PACS1: variants seen among roughly 807,000 people sequenced by gnomAD.
PACS1 encodes PACS-1.
Under a neutral mutation model 115.0 loss-of-function variants are expected in PACS1, and 24 were observed. The ratio of observed to expected loss-of-function variants is 0.21; its 90% CI spans 0.15 to 0.29. The LOEUF (loss-of-function observed/expected upper bound fraction) is 0.29. PACS1 is among the 10% of genes least tolerant of loss of function. The pLI is 1.00. For synonymous variants in PACS1, 453 were observed against 504.5 expected (o/e 0.90, Z 1.37); for missense variants, 838 against 1,251.2 (o/e 0.67, Z 4.98).
At chr11:66,187,662 TA>T (rs1360383251) in intron 1 of PACS1, among the ~76,000 whole-genome samples, 10 of 152,254 alleles carry the variant, frequency 6.6e-5, no homozygotes, top group African/African-American at 2.2e-4. Context: ...GGCTGAATAG[TA>T]CTCCATGGTA....
intron 1 of PACS1, among the ~76,000 whole-genome samples, chr11:66,179,540 A>G (rs1416409146): frequency 6.6e-6 from 1 of 152,140 alleles, no homozygotes; most frequent in African/African-American, 2.4e-5. Context: ...AAACTTGTGT[A>G]ATGTTTGGGT....
chr11:66,079,303 G>GTTTT (rs10692760), intron 1 of PACS1, among the ~76,000 whole-genome samples: 1,603 of 110,322 alleles, frequency 0.015, 53 homozygotes, highest in East Asian at 0.039. Context: ...TTTGTAGCAG[G>GTTTT]TTTTTTTTTT....
At chr11:66,172,080 C>T (rs1859753469) in intron 1 of PACS1, among the ~76,000 whole-genome samples, 1 of 152,170 alleles carries the variant, frequency 6.6e-6, no homozygotes, top group African/African-American at 2.4e-5. Context: ...GTTTACTGTG[C>T]GTAAATCAGA....
Position 66,230,908 on chromosome 11 carries a change from G to A in PACS1, c.1594G>A (p.Glu532Lys), listed in dbSNP as rs768985045. The A allele has an allele frequency of 1.2e-6, 2 of 1,614,130 alleles. No homozygotes were observed. The highest frequency in any genetic ancestry group is 1.1e-5 in the South Asian group (1 of 91,074). Residue 532 changes from glutamate to lysine, a missense_variant, in exon 13 of 24, where the codon GAG (glutamate) becomes AAG (lysine). Glu to Lys is a moderately conservative substitution (Grantham distance 56, BLOSUM62 1). Transcript: ENST00000320580. Reference sequence around the variant, plus strand: ...TGAGAGGACCAACAGTTCCGACAGCGAGCGCTCCCCAGATCTGGGCCACAG... The same window carrying A: ...TGAGAGGACCAACAGTTCCGACAGCAAGCGCTCCCCAGATCTGGGCCACAG... ...LSERTNSSDS[E>K]RSPDLGHSTQ...
rs994752228 is a variant in PACS1 at position 66,185,284 on chromosome 11, A to T, written c.357-8202A>T. 2.0e-5 allele frequency among the ~76,000 whole-genome samples: 3 copies of T among 152,182 alleles called. No homozygotes were observed. In the East Asian group the frequency reaches 5.8e-4, roughly 29 times the overall value. ...TTACTAATATATTTTCAGAATGCCTATGTAGAGAGGAAGATTATTTCTCAG... is the reference window on the plus strand; with the variant it reads ...TTACTAATATATTTTCAGAATGCCTTTGTAGAGAGGAAGATTATTTCTCAG... On this transcript the variant is annotated intron_variant, in intron 1 of 23. Transcript: ENST00000320580.
intron 1 of PACS1, among the ~76,000 whole-genome samples, chr11:66,165,723 A>G (rs1252012607): frequency 6.6e-6 from 1 of 151,970 alleles, no homozygotes; most frequent in Non-Finnish European, 1.5e-5. Context: ...GGGTATTTAT[A>G]TATATATGTA....
intron 1 of PACS1, among the ~76,000 whole-genome samples, chr11:66,127,956 T>C (rs889569899): frequency 1.2e-4 from 19 of 152,198 alleles, no homozygotes; most frequent in African/African-American, 4.6e-4. Flanking sequence ...ACTGTGTATT[T>C]ATAGGAAATA....
At chr11:66,207,457 ACT>A (rs2068725867) in intron 2 of PACS1, among the ~76,000 whole-genome samples, 1 of 152,182 alleles carries the variant, frequency 6.6e-6, no homozygotes, top group South Asian at 2.1e-4. Context: ...ACAGAGCAAG[ACT>A]CTATCTAAAA....
At chr11:66,107,311 G>T (rs1858072373) in intron 1 of PACS1, among the ~76,000 whole-genome samples, 1 of 152,062 alleles carries the variant, frequency 6.6e-6, no homozygotes, top group Non-Finnish European at 1.5e-5. Flanking sequence ...TCCTCAAAGT[G>T]TTTGCTCATG....
At chr11:66,197,483 G>T (rs2134679166) in intron 2 of PACS1, among the ~76,000 whole-genome samples, 1 of 152,254 alleles carries the variant, frequency 6.6e-6, no homozygotes, top group African/African-American at 2.4e-5. Flanking sequence ...AGTTAATGGT[G>T]TAGTATCAAA....
intron 2 of PACS1, among the ~76,000 whole-genome samples, chr11:66,196,254 A>C (rs1267329598): frequency 6.6e-6 from 1 of 152,244 alleles, no homozygotes; most frequent in East Asian, 1.9e-4. Context: ...GTTTTGCTTA[A>C]GAATGTTCTT....
chr11:66,220,872 C>G, intron 9 of PACS1, 81 bp downstream of exon 9: 1 of 1,419,260 alleles, frequency 7.0e-7, no homozygotes. Context: ...TCGCTGTCCC[C>G]TCTATTACCA....
chr11:66,143,196 C>T (rs1013522506), intron 1 of PACS1, among the ~76,000 whole-genome samples: 1 of 152,066 alleles, frequency 6.6e-6, no homozygotes, highest in Non-Finnish European at 1.5e-5. Flanking sequence ...TAATCAATTC[C>T]GCCTTATCAG....
intron 1 of PACS1, among the ~76,000 whole-genome samples, chr11:66,071,877 A>T (rs1324585094): frequency 6.6e-6 from 1 of 152,020 alleles, no homozygotes; most frequent in Non-Finnish European, 1.5e-5. Context: ...TCTGGATAAT[A>T]TTGTTTTATA....
Position 66,232,156 on chromosome 11 carries a change from T to G in PACS1, c.1627-16T>G. The G allele has an allele frequency of 6.3e-7, 1 of 1,577,416 alleles. No homozygotes were observed. Among genetic ancestry groups the G allele is most frequent in the Non-Finnish European group, 8.7e-7 (1 of 1,146,586 alleles). ...AGGGACTCCCTAACAAGAGACACTT[T>G]CTTTTGTTCCTGCAGATTCCAAGAA... On this transcript the variant is annotated splice_polypyrimidine_tract_variant and intron_variant, in intron 13 of 23. Transcript: ENST00000320580.
chr11:66,202,572 C>T (rs1854825634), intron 2 of PACS1, among the ~76,000 whole-genome samples: 1 of 151,382 alleles, frequency 6.6e-6, no homozygotes, highest in Non-Finnish European at 1.5e-5. Flanking sequence ...GAATGAAGGA[C>T]AAAACCCATG....
intron 1 of PACS1, among the ~76,000 whole-genome samples, chr11:66,121,379 C>T (rs1858438368): frequency 6.6e-6 from 1 of 152,128 alleles, no homozygotes; most frequent in African/African-American, 2.4e-5. Context: ...CAATTAATAA[C>T]CCTACAATGG....
chr11:66,130,850 G>A (rs762136701), intron 1 of PACS1, among the ~76,000 whole-genome samples: 5 of 152,080 alleles, frequency 3.3e-5, no homozygotes, highest in African/African-American at 1.2e-4. Flanking sequence ...CAGAAGGATC[G>A]CTTGAGCCCA....
intron 1 of PACS1, among the ~76,000 whole-genome samples, chr11:66,140,928 T>C (rs1423636450): frequency 2.6e-5 from 4 of 152,150 alleles, no homozygotes; most frequent in African/African-American, 7.2e-5. Flanking sequence ...TGGTTTTCTT[T>C]CTTATTGGTA....
Sources: gnomAD v4.1 joint callset for allele counts (sites outside exome capture counted in the v4.1 genomes callset) on GRCh38, gnomAD v4.1.1 for gene constraint, MANE v1.5 for transcripts, NCBI Gene and HGNC (gene_info 2026-07-23, HGNC 2026-07-21) for gene names.